The following ZNF69 variants were observed in gnomAD, a reference collection of about 807,000 sequenced individuals.
The protein encoded by ZNF69 is zinc finger protein 69, also known as ZNF3.
Under a neutral mutation model 50.9 loss-of-function variants are expected in ZNF69, and 47 were observed. The observed-to-expected ratio is 0.92, with a 90% CI of 0.73 to 1.18. The LOEUF is 1.18. Among genes scored for constraint, ZNF69 ranks in the 50% most tolerant of loss-of-function variants. The probability of loss-of-function intolerance (pLI) is 0.00; values close to 1 mark genes in which losing one functional copy is unlikely to be tolerated. For missense variants in ZNF69, 717 were observed against 675.1 expected (o/e 1.06, Z -0.69); for synonymous variants, 216 against 223.1 (o/e 0.97, Z 0.29).
the ZNF69 span, chr19:11,950,834 C>G: frequency 1.2e-5 from 2 of 170,504 alleles, no homozygotes; most frequent in South Asian, 1.3e-4. Context: ...GGATAAAATG[C>G]CAGGCATCTT....
At position 11,906,518 on chromosome 19, in the gene ZNF69, A is replaced by G. The variant is rs918949754; in HGVS notation, c.*420A>G. ...AGGCAACAACATTTGCCGTTCTGCA[A>G]TATTTGCTGTTCTGCAGCCCCTGCT... On this transcript the variant is annotated 3_prime_UTR_variant, in exon 4 of 4. Transcript: ENST00000429654. Among the ~76,000 whole-genome samples the G allele has an allele frequency of 2.0e-5, 3 of 152,200 alleles. No individual in the cohort carries two copies. Among genetic ancestry groups the G allele is most frequent in the African/African-American group, 7.2e-5 (3 of 41,454 alleles).
At chr19:11,979,971 A>G in the ZNF69 span, 8,683 of 1,226,106 alleles carry the variant, frequency 7.1e-3, 515 homozygotes, top group African/African-American at 0.12. Flanking sequence ...TACACTGGAG[A>G]GAAACCCTAT....
chr19:11,922,493 G>A, the ZNF69 span, among the ~76,000 whole-genome samples: 1 of 152,148 alleles, frequency 6.6e-6, no homozygotes, highest in East Asian at 1.9e-4. Flanking sequence ...TGGGATTCTA[G>A]GACACTAGGT....
the ZNF69 span, among the ~76,000 whole-genome samples, chr19:11,944,873 C>T: frequency 3.0e-4 from 46 of 152,332 alleles, no homozygotes; most frequent in Admixed American, 1.3e-3. Context: ...TGACTCCTGG[C>T]CTAGATGGGT....
At chr19:11,949,401 A>T in the ZNF69 span, 4 of 1,612,862 alleles carry the variant, frequency 2.5e-6, no homozygotes, top group Non-Finnish European at 3.4e-6. Context: ...GATCTACCTC[A>T]CACCTTCGAG....
the ZNF69 span, among the ~76,000 whole-genome samples, chr19:11,970,948 A>G: frequency 1.3e-5 from 2 of 152,138 alleles, no homozygotes; most frequent in East Asian, 1.9e-4. Flanking sequence ...TAAAAAAAAA[A>G]CTAAAAAACT....
chr19:11,952,064 A>G, the ZNF69 span, among the ~76,000 whole-genome samples: 1 of 152,098 alleles, frequency 6.6e-6, no homozygotes, highest in South Asian at 2.1e-4. Flanking sequence ...AATCCTAGCT[A>G]GTCAGGAGGC....
chr19:11,941,169 A>G, the ZNF69 span, among the ~76,000 whole-genome samples: 84 of 152,240 alleles, frequency 5.5e-4, no homozygotes, highest in Non-Finnish European at 6.8e-4. Context: ...TGCATTTACA[A>G]TCCCTGGGCT....
the ZNF69 span, among the ~76,000 whole-genome samples, chr19:11,941,776 T>TGC: frequency 1.1e-4 from 17 of 152,184 alleles, no homozygotes; most frequent in African/African-American, 4.1e-4. Context: ...GCTCCTCAAG[T>TGC]GCCGCCAAAG....
chr19:11,935,476 C>T, the ZNF69 span, among the ~76,000 whole-genome samples: 1 of 151,996 alleles, frequency 6.6e-6, no homozygotes. Flanking sequence ...CGATGATCCA[C>T]CCACCTCAGC....
chr19:11,946,859 G>A, the ZNF69 span: 39 of 261,668 alleles, frequency 1.5e-4, no homozygotes, highest in African/African-American at 6.4e-4. Flanking sequence ...GGTCACTCAC[G>A]CGTGGTGGTA....
chr19:11,903,861 A>T (rs775202601), intron 2 of ZNF69, 44 bp from the exon 3 acceptor site: 8 of 1,607,298 alleles, frequency 5.0e-6, no homozygotes, highest in Non-Finnish European at 6.8e-6. Context: ...TTTTTTCACA[A>T]TTTTATACTG....
At chr19:11,917,358 G>C (rs1290793184), downstream of ZNF69, among the ~76,000 whole-genome samples, 1 of 152,224 alleles carries the variant, frequency 6.6e-6, no homozygotes, top group African/African-American at 2.4e-5. Context: ...TGTCCACACT[G>C]TGGGGAGGGG....
chr19:11,905,596 C>G lies in ZNF69; in HGVS notation c.1199C>G (p.Ser400Cys). The G allele has an allele frequency of 6.2e-7, 1 of 1,613,760 alleles. No homozygotes were observed. Among genetic ancestry groups the G allele is most frequent in the South Asian group, 1.1e-5 (1 of 91,048 alleles). The change falls in exon 4 of 4, where the codon TCC becomes TGC. Residue 400 changes from serine to cysteine, a missense_variant. Coordinates refer to ENST00000429654, the MANE Select transcript of ZNF69 (RefSeq NM_001364730.1). ...CAATGTGGTAAAGCCTTCATTCATT[C>G]CAGTTCCCTTCGTTATCATGAAAGG... The part of the protein sequence containing the change: ...CKQCGKAFIH[S>C]SSLRYHERIH...
At chr19:11,969,604 C>G in the ZNF69 span, among the ~76,000 whole-genome samples, 1 of 152,144 alleles carries the variant, frequency 6.6e-6, no homozygotes, top group East Asian at 1.9e-4. Flanking sequence ...CTCATTGCTT[C>G]TTATTTAAAT....
At chr19:11,919,790 C>T in the ZNF69 span, among the ~76,000 whole-genome samples, 2 of 152,148 alleles carry the variant, frequency 1.3e-5, no homozygotes, top group Admixed American at 6.6e-5. Context: ...ACACTCTTCA[C>T]TAGGAACAAA....
chr19:11,905,504 T>C lies in ZNF69; in HGVS notation c.1107T>C (p.Phe369=). ...AATGTAAGATATGTGGGAAAGGCTT[T>C]TGTTCTGCCAATTCATTTCAAAGAC... ...PYECKICGKG[F]CSANSFQRHE... Residue 369 remains phenylalanine, a synonymous_variant, in exon 4 of 4, where the codon TTT becomes TTC. Coordinates refer to ENST00000429654, the MANE Select transcript of ZNF69 (RefSeq NM_001364730.1). The C allele has an allele frequency of 6.2e-7, 1 of 1,614,054 alleles. No individual in the cohort carries two copies. Among genetic ancestry groups the C allele is most frequent in the Non-Finnish European group, 8.5e-7 (1 of 1,180,002 alleles).
At chr19:11,976,832 C>A in the ZNF69 span, 5 of 1,393,436 alleles carry the variant, frequency 3.6e-6, no homozygotes, top group East Asian at 1.3e-4. Flanking sequence ...CCAGCCTGGG[C>A]AACAAGTTGT....
At chr19:11,977,527 C>A in the ZNF69 span, 2 of 1,407,746 alleles carry the variant, frequency 1.4e-6, no homozygotes, top group Non-Finnish European at 2.0e-6. Flanking sequence ...AGTCCAGTAT[C>A]AAATTCATCT....
Sources: allele counts gnomAD v4.1 joint callset (sites outside exome capture counted in the v4.1 genomes callset), GRCh38; gene constraint gnomAD v4.1.1; transcripts MANE v1.5; gene names NCBI Gene and HGNC (gene_info 2026-07-23, HGNC 2026-07-21).